The following DNAJC1 variants were observed in gnomAD, a reference collection of about 807,000 sequenced individuals.
DNAJC1 encodes the protein DnaJ heat shock protein family (Hsp40) member C1.
A neutral mutation model predicts 76.6 loss-of-function variants in DNAJC1; 58 were observed. That is an observed-to-expected ratio of 0.76 (90% CI 0.61 to 0.94). The LOEUF is 0.94. Among genes scored for constraint, DNAJC1 ranks in the 40% least tolerant of loss-of-function variants. The pLI, the probability that DNAJC1 is intolerant of heterozygous loss-of-function variation, is 0.00. For synonymous variants in DNAJC1, 258 were observed against 267.9 expected (o/e 0.96, Z 0.36); for missense variants, 689 against 677.3 (o/e 1.02, Z -0.19).
intron 1 of DNAJC1, among the ~76,000 whole-genome samples, chr10:21,944,645 A>C (rs937265692): frequency 6.6e-6 from 1 of 152,184 alleles, no homozygotes; most frequent in Non-Finnish European, 1.5e-5. Context: ...GAAGAGTGGC[A>C]GTGAATTTGT....
Position 21,904,618 on chromosome 10 carries a change from G to GA in DNAJC1, c.730-7dup. 4.5e-6 allele frequency: 7 copies of GA among 1,553,416 alleles called. No homozygotes were observed. Among genetic ancestry groups the GA allele is most frequent in the Non-Finnish European group, 6.1e-6 (7 of 1,141,006 alleles). On this transcript the variant is annotated splice_polypyrimidine_tract_variant and splice_region_variant and intron_variant, in intron 6 of 11. Coordinates refer to ENST00000376980, the MANE Select transcript of DNAJC1 (RefSeq NM_022365.4). The stretch of plus-strand genomic sequence containing the variant: ...GCATAAAACTGCCCAGCATCCTTAA[G>GA]AAAAAAAGTTATACATAAATTAACA...
chr10:21,989,797 A>G (rs1043091184), intron 1 of DNAJC1, among the ~76,000 whole-genome samples: 5 of 152,150 alleles, frequency 3.3e-5, no homozygotes, highest in Non-Finnish European at 5.9e-5. Flanking sequence ...AGCCACCTAT[A>G]TAAGACCTAG....
At chr10:21,944,979 T>C (rs991344140) in intron 1 of DNAJC1, among the ~76,000 whole-genome samples, 1 of 152,170 alleles carries the variant, frequency 6.6e-6, no homozygotes, top group African/African-American at 2.4e-5. Context: ...GTTTTTGAAA[T>C]AGTCAAGTGG....
chr10:21,903,915 T>C (rs1421726895), intron 7 of DNAJC1, among the ~76,000 whole-genome samples: 3 of 152,142 alleles, frequency 2.0e-5, no homozygotes, highest in Non-Finnish European at 4.4e-5. Flanking sequence ...ACACAGTATA[T>C]ATGTGTGGGA....
At chr10:21,887,818 T>C (rs1836392476) in intron 7 of DNAJC1, among the ~76,000 whole-genome samples, 1 of 152,134 alleles carries the variant, frequency 6.6e-6, no homozygotes, top group African/African-American at 2.4e-5. Context: ...AACCTGGATG[T>C]AGGAATGGGC....
rs149704806 is a variant in DNAJC1, at chr10:21,796,271, T to G, written c.1098+9709A>C. 1.1e-3 allele frequency among the ~76,000 whole-genome samples: 174 copies of G among 152,134 alleles called. 2 individuals are homozygous for G. The East Asian group carries it at 0.028, about 24-fold the overall frequency. ...AGGTGTGAGCCACCTCACCCGGCCA[T>G]TCCTTCTTTTTCATGAATGAATAAT... On this transcript the variant is annotated intron_variant, in intron 9 of 11. Coordinates refer to ENST00000376980, the MANE Select transcript of DNAJC1 (RefSeq NM_022365.4).
chr10:21,919,706 C>CT (rs1467277135), intron 5 of DNAJC1, 126 bp downstream of exon 5: 2 of 602,410 alleles, frequency 3.3e-6, no homozygotes, highest in Non-Finnish European at 5.4e-6. Context: ...CATTATTAGT[C>CT]TTTTATAAGA....
At chr10:21,831,118 G>C (rs1267632774) in intron 8 of DNAJC1, among the ~76,000 whole-genome samples, 1 of 152,078 alleles carries the variant, frequency 6.6e-6, no homozygotes, top group Non-Finnish European at 1.5e-5. Context: ...TAGTGGGGGT[G>C]GTCTTTGTTT....
chr10:21,781,541 G>C (rs538398299), intron 9 of DNAJC1, among the ~76,000 whole-genome samples: 1 of 152,106 alleles, frequency 6.6e-6, no homozygotes, highest in South Asian at 2.1e-4. Flanking sequence ...CTAACACGGT[G>C]AAACCCCGTC....
intron 6 of DNAJC1, among the ~76,000 whole-genome samples, chr10:21,914,883 T>C (rs1299091040): frequency 6.6e-6 from 1 of 152,160 alleles, no homozygotes; most frequent in African/African-American, 2.4e-5. Context: ...TCTTTGGTCA[T>C]CCCAAATAGA....
chr10:21,903,056 A>G (rs371740248), intron 7 of DNAJC1, among the ~76,000 whole-genome samples: 260 of 152,178 alleles, frequency 1.7e-3, no homozygotes, highest in African/African-American at 6.0e-3. Flanking sequence ...GCTCCCAAGT[A>G]GATGGGATTA....
intron 10 of DNAJC1, among the ~76,000 whole-genome samples, chr10:21,760,402 G>C (rs1275911123): frequency 6.6e-6 from 1 of 152,194 alleles, no homozygotes; most frequent in African/African-American, 2.4e-5. Flanking sequence ...AAAGGACAAA[G>C]AACACAGCTC....
chr10:21,833,266 T>A (rs1835391035), intron 8 of DNAJC1, among the ~76,000 whole-genome samples: 1 of 152,008 alleles, frequency 6.6e-6, no homozygotes, highest in Non-Finnish European at 1.5e-5. Flanking sequence ...GGTCAGGAGT[T>A]TGAGACCAGC....
intron 1 of DNAJC1, among the ~76,000 whole-genome samples, chr10:21,989,504 C>T (rs2131845498): frequency 6.6e-6 from 1 of 152,220 alleles, no homozygotes; most frequent in East Asian, 1.9e-4. Context: ...AAGTCTGACT[C>T]CCATAGAGTG....
chr10:21,828,921 G>A (rs1835308408), intron 8 of DNAJC1, among the ~76,000 whole-genome samples: 1 of 152,126 alleles, frequency 6.6e-6, no homozygotes, highest in Non-Finnish European at 1.5e-5. Context: ...CAGGTTATCT[G>A]CTCCTTGAAA....
chr10:22,003,640 G>A lies in DNAJC1; in HGVS notation c.-206C>T, dbSNP rs376870699. 12 of 478,982 alleles carry A rather than the reference G, an allele frequency of 2.5e-5. No individual in the cohort carries two copies. The highest frequency in any genetic ancestry group is 2.3e-4 in the East Asian group (6 of 25,888). 29.7% of individuals were successfully genotyped at this position (478,982 alleles called of 1,614,324 possible). A position where few individuals can be genotyped will look rare whatever the true frequency, so the allele number is the denominator to read the frequency against. ...CGGACGGGCGGGTGGGTAGGCGGGC[G>A]GGGCCGCAGCCAGCGCTACGTTCCG... On this transcript the variant is annotated 5_prime_UTR_variant, in exon 1 of 12. Transcript: ENST00000376980.
intron 1 of DNAJC1, among the ~76,000 whole-genome samples, chr10:21,986,698 T>C (rs1590080998): frequency 6.6e-6 from 1 of 152,180 alleles, no homozygotes; most frequent in East Asian, 1.9e-4. Context: ...CACTTGATCA[T>C]GGTGTTTAAT....
At chr10:21,967,052 TAC>T (rs1270477987) in intron 1 of DNAJC1, among the ~76,000 whole-genome samples, 2 of 151,636 alleles carry the variant, frequency 1.3e-5, no homozygotes, top group Non-Finnish European at 2.9e-5. Flanking sequence ...CAAAATTTTT[TAC>T]AGTCTTACTG....
intron 9 of DNAJC1, among the ~76,000 whole-genome samples, chr10:21,767,466 G>A (rs748392913): frequency 1.3e-5 from 2 of 152,030 alleles, no homozygotes; most frequent in Non-Finnish European, 2.9e-5. Context: ...TTAAAGATAT[G>A]TTGCTATGTT....
Sources: gnomAD v4.1 joint callset for allele counts (sites outside exome capture counted in the v4.1 genomes callset) on GRCh38, gnomAD v4.1.1 for gene constraint, MANE v1.5 for transcripts, NCBI Gene and HGNC (gene_info 2026-07-23, HGNC 2026-07-21) for gene names.